The following PAN3 variants were observed in gnomAD, a reference collection of about 807,000 sequenced individuals.
PAN3 encodes the protein poly(A) specific ribonuclease subunit PAN3.
PAN3 carries 19 observed loss-of-function variants against 96.2 expected under a neutral mutation model. That is an observed-to-expected ratio of 0.20 (90% confidence interval 0.14 to 0.29). PAN3 has a LOEUF of 0.29. Among genes scored for constraint, PAN3 ranks in the 10% least tolerant of loss-of-function variants. The pLI is 1.00. For missense variants in PAN3, 882 were observed against 1,108.1 expected (o/e 0.80, Z 2.90); for synonymous variants, 433 against 406.6 (o/e 1.06, Z -0.78).
At chr13:28,180,924 G>A (rs1399966020) in intron 4 of PAN3, among the ~76,000 whole-genome samples, 1 of 151,986 alleles carries the variant, frequency 6.6e-6, no homozygotes, top group Non-Finnish European at 1.5e-5. Context: ...CATTTACTCA[G>A]CAGCATATTA....
In PAN3 at chr13:28,277,391, A is replaced by G. The variant is rs1180779460; in HGVS notation, c.2189+15A>G. The G allele has an allele frequency of 6.2e-7, 1 of 1,603,064 alleles. No homozygotes were observed. ...AATCTGATTTTGTAAGTTTTAATATATGATAAATTGTACAGAATGATTATT... is the reference window on the plus strand; with the variant it reads ...AATCTGATTTTGTAAGTTTTAATATGTGATAAATTGTACAGAATGATTATT... On this transcript the variant is annotated intron_variant, in intron 15 of 18. Coordinates refer to ENST00000380958, the MANE Select transcript of PAN3 (RefSeq NM_175854.8).
intron 13 of PAN3, 106 bp downstream of exon 13, chr13:28,270,972 C>T: frequency 1.8e-6 from 2 of 1,121,652 alleles, no homozygotes; most frequent in South Asian, 1.8e-5. Context: ...ATATTCCATC[C>T]AGAAGAACTT....
chr13:28,290,379 A>G (rs764799575), intron 18 of PAN3, among the ~76,000 whole-genome samples: 16 of 152,076 alleles, frequency 1.1e-4, no homozygotes, highest in Non-Finnish European at 1.5e-5. Flanking sequence ...TCAATAACCT[A>G]CATTAAGACT....
intron 6 of PAN3, among the ~76,000 whole-genome samples, chr13:28,230,569 A>G (rs1882439490): frequency 6.6e-6 from 1 of 152,176 alleles, no homozygotes; most frequent in African/African-American, 2.4e-5. Flanking sequence ...AGAAAGAGAA[A>G]ATAAGAGAAA....
chr13:28,178,368 G>T (rs1034922386), intron 4 of PAN3, among the ~76,000 whole-genome samples: 1 of 151,942 alleles, frequency 6.6e-6, no homozygotes, highest in African/African-American at 2.4e-5. Context: ...ATTTCATAAT[G>T]GGCCCAACAA....
intron 9 of PAN3, among the ~76,000 whole-genome samples, chr13:28,264,115 G>A (rs1462772237): frequency 6.6e-6 from 1 of 152,006 alleles, no homozygotes; most frequent in African/African-American, 2.4e-5. Context: ...TTCCTTAGAA[G>A]AAATACTTCA....
intron 5 of PAN3, among the ~76,000 whole-genome samples, chr13:28,201,395 A>C (rs891884160): frequency 2.6e-5 from 4 of 151,844 alleles, no homozygotes; most frequent in Admixed American, 1.3e-4. Flanking sequence ...TAATACAAAA[A>C]ATTAGCCGGG....
chr13:28,167,607 C>T (rs1400484693), intron 1 of PAN3, among the ~76,000 whole-genome samples: 2 of 144,750 alleles, frequency 1.4e-5, no homozygotes, highest in Non-Finnish European at 3.0e-5. Context: ...GAGGCTGAAG[C>T]AGGTGGATCA....
intron 6 of PAN3, among the ~76,000 whole-genome samples, chr13:28,246,063 A>T (rs781161921): frequency 6.6e-6 from 1 of 152,134 alleles, no homozygotes; most frequent in Non-Finnish European, 1.5e-5. Context: ...TTCCACTGTT[A>T]GGGTCATAGC....
intron 5 of PAN3, among the ~76,000 whole-genome samples, chr13:28,202,794 T>C (rs760316930): frequency 3.6e-4 from 55 of 152,334 alleles, no homozygotes; most frequent in Non-Finnish European, 7.1e-4. Flanking sequence ...TTGTAAATAC[T>C]TGAGGTTAAG....
At chr13:28,152,129 A>G (rs577597884) in intron 1 of PAN3, among the ~76,000 whole-genome samples, 53 of 152,308 alleles carry the variant, frequency 3.5e-4, no homozygotes, top group African/African-American at 1.3e-3. Flanking sequence ...CATGCCATAT[A>G]TATATTTGCA....
At chr13:28,233,087 A>G (rs1048406912) in intron 6 of PAN3, among the ~76,000 whole-genome samples, 4 of 152,132 alleles carry the variant, frequency 2.6e-5, no homozygotes, top group African/African-American at 9.7e-5. Flanking sequence ...TTAAATCAGT[A>G]ATTCTGAAAG....
intron 1 of PAN3, among the ~76,000 whole-genome samples, chr13:28,156,254 A>G (rs1320303336): frequency 2.0e-5 from 3 of 152,220 alleles, no homozygotes; most frequent in Admixed American, 1.3e-4. Context: ...CAGAAATACA[A>G]AAAACCCTCA....
chr13:28,276,961 T>C (rs1887113231), intron 14 of PAN3, among the ~76,000 whole-genome samples: 1 of 152,176 alleles, frequency 6.6e-6, no homozygotes, highest in African/African-American at 2.4e-5. Context: ...TAAAGTCTCT[T>C]AAGGCGTGGA....
intron 1 of PAN3, among the ~76,000 whole-genome samples, chr13:28,139,669 A>T (rs553859952): frequency 6.6e-6 from 1 of 152,046 alleles, no homozygotes; most frequent in Non-Finnish European, 1.5e-5. Flanking sequence ...CTTTCTAAGG[A>T]TTAGGAGGGA....
chr13:28,290,716 T>TA (rs1427702853), intron 18 of PAN3, among the ~76,000 whole-genome samples: 2 of 152,176 alleles, frequency 1.3e-5, no homozygotes, highest in Admixed American at 1.3e-4. Context: ...AGACTATATG[T>TA]ATCATTGAAC....
chr13:28,228,852 T>C (rs905533772), intron 6 of PAN3, among the ~76,000 whole-genome samples: 1 of 152,202 alleles, frequency 6.6e-6, no homozygotes, highest in Non-Finnish European at 1.5e-5. Flanking sequence ...TGGTGTAAGT[T>C]AAACTGCCCA....
At chr13:28,155,709 T>G (rs1872058814) in intron 1 of PAN3, among the ~76,000 whole-genome samples, 1 of 152,150 alleles carries the variant, frequency 6.6e-6, no homozygotes, top group Non-Finnish European at 1.5e-5. Flanking sequence ...TATATATATA[T>G]ACACATCTCA....
chr13:28,148,633 A>G (rs1358441382), intron 1 of PAN3, among the ~76,000 whole-genome samples: 3 of 152,118 alleles, frequency 2.0e-5, no homozygotes, highest in African/African-American at 4.8e-5. Context: ...CACTCTTTCT[A>G]GCTTATTTGG....
Sources: allele counts gnomAD v4.1 joint callset (sites outside exome capture counted in the v4.1 genomes callset), GRCh38; gene constraint gnomAD v4.1.1; transcripts MANE v1.5; gene names NCBI Gene and HGNC (gene_info 2026-07-23, HGNC 2026-07-21).